CFAP77: variants seen among roughly 807,000 people sequenced by gnomAD.
CFAP77 encodes cilia and flagella associated protein 77, also known as cilia- and flagella-associated protein 77.
Under a neutral mutation model 31.1 loss-of-function variants are expected in CFAP77, and 25 were observed. The ratio of observed to expected loss-of-function variants is 0.80; its 90% CI spans 0.59 to 1.12. CFAP77 has a LOEUF of 1.12. Ranked by LOEUF, CFAP77 falls within the 50% of genes most tolerant of loss-of-function variation. The pLI, the probability that CFAP77 is intolerant of heterozygous loss-of-function variation, is 0.00. For synonymous variants in CFAP77, 151 were observed against 159.9 expected (o/e 0.94, Z 0.42); for missense variants, 377 against 397.3 (o/e 0.95, Z 0.44).
chr9:132,432,880 A>ATT (rs35965792), intron 1 of CFAP77, among the ~76,000 whole-genome samples: 35,780 of 151,452 alleles, frequency 0.24, 4,506 homozygotes, highest in South Asian at 0.34. Context: ...CGCCCAGCTA[A>ATT]TTTTTTTTGT....
intron 1 of CFAP77, among the ~76,000 whole-genome samples, chr9:132,426,455 G>A (rs971011452): frequency 1.3e-5 from 2 of 152,042 alleles, no homozygotes; most frequent in African/African-American, 4.8e-5. Context: ...CTTCAAACAG[G>A]GAGGCCTAAT....
intron 5 of CFAP77, among the ~76,000 whole-genome samples, chr9:132,560,810 G>T (rs986022117): frequency 4.6e-5 from 7 of 152,168 alleles, no homozygotes; most frequent in African/African-American, 1.7e-4. Context: ...CCCTGGGCAC[G>T]GTTCACTGAG....
Position 132,552,072 on chromosome 9 carries a change from G to C in CFAP77, c.732+9025G>C, listed in dbSNP as rs149212997. 3.5e-3 allele frequency among the ~76,000 whole-genome samples: 529 copies of C among 152,354 alleles called. 3 individuals carry two copies. The highest frequency in any genetic ancestry group is 0.012 in the African/African-American group (494 of 41,582). On this transcript the variant is annotated intron_variant, in intron 5 of 5. Coordinates refer to ENST00000393216, the MANE Select transcript of CFAP77 (RefSeq NM_001282957.2). This position sits in a 1 kb window ranked among gnomAD's most constrained non-coding sequence, Gnocchi z 5.5. The stretch of plus-strand genomic sequence containing the variant: ...AAAAAGGAAAGAGGCGGCTGATCCC[G>C]GATTCAGGCTTACTGCGTTAAAAGT...
chr9:132,524,327 A>G (rs72767815), intron 3 of CFAP77, among the ~76,000 whole-genome samples: 1,521 of 151,012 alleles, frequency 0.01, 14 homozygotes, highest in Non-Finnish European at 0.017. Context: ...GGGGTCAGGC[A>G]CTGTGGTTCA....
At chr9:132,531,402 C>T (rs1397934346) in intron 3 of CFAP77, among the ~76,000 whole-genome samples, 1 of 152,152 alleles carries the variant, frequency 6.6e-6, no homozygotes, top group Non-Finnish European at 1.5e-5. Context: ...CCAGGGCTGT[C>T]CTAGGATGGT....
chr9:132,504,076 C>T (rs957046368), intron 3 of CFAP77, among the ~76,000 whole-genome samples: 2 of 152,150 alleles, frequency 1.3e-5, no homozygotes, highest in African/African-American at 4.8e-5. Context: ...ACAAAGGACA[C>T]TTGTGATCAC....
At chr9:132,484,408 T>A (rs1374070891) in intron 1 of CFAP77, among the ~76,000 whole-genome samples, 2 of 152,166 alleles carry the variant, frequency 1.3e-5, no homozygotes, top group African/African-American at 4.8e-5. Context: ...GCAGTCTCCC[T>A]CCAGCTGCAG....
At chr9:132,440,944 C>T (rs549244633) in intron 1 of CFAP77, among the ~76,000 whole-genome samples, 53 of 152,282 alleles carry the variant, frequency 3.5e-4, no homozygotes, top group African/African-American at 1.2e-3. Context: ...TCTGATGCAA[C>T]CTGTGTGTGT....
chr9:132,483,449 C>A (rs1393506105), intron 1 of CFAP77, among the ~76,000 whole-genome samples: 1 of 152,134 alleles, frequency 6.6e-6, no homozygotes, highest in East Asian at 1.9e-4. Context: ...TGTGGGGGAC[C>A]TGCAGCAGCC....
chr9:132,505,001 G>T (rs1272262966), intron 3 of CFAP77, among the ~76,000 whole-genome samples: 4 of 152,216 alleles, frequency 2.6e-5, no homozygotes, highest in African/African-American at 9.7e-5. Flanking sequence ...TGTTGGGGAG[G>T]TTTGGTCCAA....
At chr9:132,519,880 A>G (rs1469151505) in intron 3 of CFAP77, among the ~76,000 whole-genome samples, 1 of 136,708 alleles carries the variant, frequency 7.3e-6, no homozygotes, top group Non-Finnish European at 1.6e-5. Context: ...GGATGGATGG[A>G]TGGATAGGTG....
intron 1 of CFAP77, among the ~76,000 whole-genome samples, chr9:132,469,283 A>C (rs1851212473): frequency 6.6e-6 from 1 of 152,194 alleles, no homozygotes; most frequent in Non-Finnish European, 1.5e-5. Flanking sequence ...AGGCATGATA[A>C]AAATACCTTC....
At chr9:132,439,568 C>T (rs1015238072) in intron 1 of CFAP77, among the ~76,000 whole-genome samples, 9 of 151,908 alleles carry the variant, frequency 5.9e-5, no homozygotes, top group South Asian at 2.1e-4. Context: ...CTAATCTGGC[C>T]GGGAGTGGTG....
At chr9:132,546,668 GA>G (rs1852736831) in intron 5 of CFAP77, among the ~76,000 whole-genome samples, 1 of 152,210 alleles carries the variant, frequency 6.6e-6, no homozygotes, top group Non-Finnish European at 1.5e-5. Context: ...AAAGAGGGAA[GA>G]GGACACATCC....
intron 3 of CFAP77, among the ~76,000 whole-genome samples, chr9:132,503,784 CACG>C (rs1851891601): frequency 6.6e-6 from 1 of 152,156 alleles, no homozygotes; most frequent in Admixed American, 6.5e-5. Context: ...TGCAGTGGCT[CACG>C]CCTGTAATCC....
intron 1 of CFAP77, among the ~76,000 whole-genome samples, chr9:132,442,693 C>T (rs950455589): frequency 2.0e-5 from 3 of 150,864 alleles, no homozygotes; most frequent in African/African-American, 7.3e-5. Context: ...GCATGATATT[C>T]GATCATTTTT....
intron 4 of CFAP77, among the ~76,000 whole-genome samples, chr9:132,541,461 C>T (rs535514959): frequency 2.0e-5 from 3 of 152,340 alleles, no homozygotes; most frequent in East Asian, 1.9e-4. Flanking sequence ...TGGTGGCTCA[C>T]GCCTGAAATC....
chr9:132,514,873 G>A (rs1375276987), intron 3 of CFAP77, among the ~76,000 whole-genome samples: 3 of 152,158 alleles, frequency 2.0e-5, no homozygotes, highest in South Asian at 4.1e-4. Flanking sequence ...ACAGGCCCTG[G>A]AGCCAAGGGG....
At chr9:132,563,099 G>A (rs191936805) in intron 5 of CFAP77, among the ~76,000 whole-genome samples, 102 of 151,916 alleles carry the variant, frequency 6.7e-4, no homozygotes, top group African/African-American at 2.3e-3. Context: ...GGCTCACTGC[G>A]GCCTCCACCT....
Sources: allele counts gnomAD v4.1 joint callset (sites outside exome capture counted in the v4.1 genomes callset), GRCh38; gene constraint gnomAD v4.1.1; non-coding constraint Gnocchi (gnomAD v3.1); transcripts MANE v1.5; gene names NCBI Gene and HGNC (gene_info 2026-07-23, HGNC 2026-07-21).